ZDHHC7: variants seen among roughly 807,000 people sequenced by gnomAD.
ZDHHC7 encodes the protein zDHHC palmitoyltransferase 7.
ZDHHC7 carries 12 observed loss-of-function variants against 34.1 expected under a neutral mutation model. That is an observed-to-expected ratio of 0.35 (90% CI 0.23 to 0.57). ZDHHC7 has a LOEUF of 0.57. Among genes scored for constraint, ZDHHC7 ranks in the 20% least tolerant of loss-of-function variants. The pLI, the probability that ZDHHC7 is intolerant of heterozygous loss-of-function variation, is 0.84. For synonymous variants in ZDHHC7, 185 were observed against 155.4 expected (o/e 1.19, Z -1.42); for missense variants, 388 against 402.7 (o/e 0.96, Z 0.31).
At chr16:84,978,312 G>A (rs1249397329) in intron 5 of ZDHHC7, among the ~76,000 whole-genome samples, 1 of 152,200 alleles carries the variant, frequency 6.6e-6, no homozygotes, top group African/African-American at 2.4e-5. Flanking sequence ...GTCTTTCTAA[G>A]AGCAAAGGCT....
chr16:85,025,425 G>T, the ZDHHC7 span, among the ~76,000 whole-genome samples: 3,717 of 141,790 alleles, frequency 0.026, 144 homozygotes, highest in African/African-American at 0.084. Flanking sequence ...TTTTTTGGGG[G>T]GGGGGACTAA....
chr16:85,015,678 TC>T (rs1408684205), upstream of ZDHHC7, among the ~76,000 whole-genome samples: 2 of 151,922 alleles, frequency 1.3e-5, no homozygotes, highest in Non-Finnish European at 2.9e-5. Context: ...TGACACCCTG[TC>T]TACAAAAATT....
the ZDHHC7 span, among the ~76,000 whole-genome samples, chr16:85,017,743 G>A: frequency 3.3e-5 from 5 of 152,142 alleles, no homozygotes; most frequent in African/African-American, 1.2e-4. Flanking sequence ...CCAGGCTCTT[G>A]ACACTGTCGT....
At chr16:85,018,471 G>C in the ZDHHC7 span, among the ~76,000 whole-genome samples, 1 of 123,100 alleles carries the variant, frequency 8.1e-6, no homozygotes, top group African/African-American at 3.3e-5. Flanking sequence ...TTTTAAGACA[G>C]AGTTTTACTC....
chr16:85,005,225 C>T (rs966598523), intron 1 of ZDHHC7, among the ~76,000 whole-genome samples: 6 of 152,250 alleles, frequency 3.9e-5, no homozygotes, highest in Non-Finnish European at 8.8e-5. Context: ...GTATTCCCAA[C>T]CTCCTTCCCT....
chr16:84,979,125 G>C (rs1026387948), intron 5 of ZDHHC7, 64 bp downstream of exon 5: 2 of 1,491,544 alleles, frequency 1.3e-6, no homozygotes, highest in South Asian at 2.6e-5. Flanking sequence ...CTCTGCTCCA[G>C]GCAAGAAGCA....
the ZDHHC7 span, among the ~76,000 whole-genome samples, chr16:85,018,838 A>G: frequency 6.6e-6 from 1 of 152,072 alleles, no homozygotes; most frequent in Non-Finnish European, 1.5e-5. Flanking sequence ...CTTGTTCCGG[A>G]CGGGTGTTTG....
At position 84,977,648 on chromosome 16, in the gene ZDHHC7, C is replaced by T. The variant is rs375334070; in HGVS notation, c.619+276G>A. Reference sequence around the variant, plus strand: ...GGATAACGAGCACCTATTTTCACTACACTTGCTTAGGGTCGGTCACTCACG... The same window carrying T: ...GGATAACGAGCACCTATTTTCACTATACTTGCTTAGGGTCGGTCACTCACG... On this transcript the variant is annotated intron_variant, in intron 6 of 7. Coordinates refer to ENST00000313732, the MANE Select transcript of ZDHHC7 (RefSeq NM_017740.3). 1.2e-4 allele frequency among the ~76,000 whole-genome samples: 18 copies of T among 152,326 alleles called. 1 individual carries two copies. Among genetic ancestry groups the T allele is most frequent in the East Asian group, 5.8e-4 (3 of 5,186 alleles).
chr16:85,022,630 A>C, the ZDHHC7 span, among the ~76,000 whole-genome samples: 6 of 152,196 alleles, frequency 3.9e-5, no homozygotes, highest in African/African-American at 1.4e-4. Flanking sequence ...GTTTGTTGAA[A>C]GATAGGGTAT....
intron 3 of ZDHHC7, among the ~76,000 whole-genome samples, chr16:84,986,764 C>G (rs2072442292): frequency 6.6e-6 from 1 of 152,186 alleles, no homozygotes; most frequent in African/African-American, 2.4e-5. Context: ...CGAGGACTGC[C>G]CAGTCCTATT....
rs1226176489 is a variant in ZDHHC7, at chr16:84,974,240, G to A, written c.*2103C>T. 1 of 152,216 alleles carries A rather than the reference G, an allele frequency of 6.6e-6. No homozygotes were observed. Among genetic ancestry groups the A allele is most frequent in the Non-Finnish European group, 1.5e-5 (1 of 68,038 alleles). 9.4% of individuals were successfully genotyped at this position (152,216 alleles called of 1,614,324 possible). A position where few individuals can be genotyped will look rare whatever the true frequency, so the allele number is the denominator to read the frequency against. The stretch of plus-strand genomic sequence containing the variant: ...TAAAAAAAGGACTAAGTAAAACGAT[G>A]GGAGTCGAATTAAACATTCAACAAG... On this transcript the variant is annotated 3_prime_UTR_variant, in exon 8 of 8. Coordinates refer to ENST00000313732, the MANE Select transcript of ZDHHC7 (RefSeq NM_017740.3).
At chr16:84,978,924 G>C (rs1035746353) in intron 5 of ZDHHC7, among the ~76,000 whole-genome samples, 5 of 151,340 alleles carry the variant, frequency 3.3e-5, no homozygotes, top group African/African-American at 1.2e-4. Flanking sequence ...ACTTTAGGAA[G>C]ATTCCTGTTA....
chr16:85,024,386 C>T, the ZDHHC7 span, among the ~76,000 whole-genome samples: 3 of 151,968 alleles, frequency 2.0e-5, no homozygotes, highest in East Asian at 5.8e-4. Flanking sequence ...CACGCGCCAC[C>T]ATGCCCAGCT....
chr16:85,013,959 A>T (rs1041097404), upstream of ZDHHC7, among the ~76,000 whole-genome samples: 1 of 152,198 alleles, frequency 6.6e-6, no homozygotes, highest in African/African-American at 2.4e-5. Flanking sequence ...AAGTGCTGGG[A>T]TTACAGGTGT....
rs75191708 is a variant in ZDHHC7, at chr16:84,976,913, T to G, written c.750+182A>C. The stretch of plus-strand genomic sequence containing the variant: ...GCTGACTTGCAAATCAAACTGAGAC[T>G]AGAAATATGCACTGCCCAGAATGAA... On this transcript the variant is annotated intron_variant, in intron 7 of 7. Coordinates refer to ENST00000313732, the MANE Select transcript of ZDHHC7 (RefSeq NM_017740.3). 2.6e-3 allele frequency among the ~76,000 whole-genome samples: 397 copies of G among 152,270 alleles called. 2 individuals are homozygous for G. Among genetic ancestry groups the G allele is most frequent in the African/African-American group, 9.5e-3 (394 of 41,540 alleles).
chr16:84,976,480 G>A lies in ZDHHC7; in HGVS notation c.790C>T (p.Arg264Trp), dbSNP rs151087701. Residue 264 changes from arginine to tryptophan, a missense_variant, in exon 8 of 8, where the codon CGG becomes TGG. Arg to Trp is a moderately radical substitution (Grantham distance 101). Transcript: ENST00000313732. ...TTCATCCCTTCCCATCGCAGCCTCC[G>A]CTCCCATGTGGGCTTCTCACTTTTC... ...RLKSEKPTWERRLRWEGMKSV... is the reference protein window; with the variant it reads ...RLKSEKPTWEWRLRWEGMKSV... The A allele has an allele frequency of 8.7e-6, 14 of 1,613,962 alleles. No homozygotes were observed. The highest frequency in any genetic ancestry group is 6.7e-5 in the East Asian group (3 of 44,888).
At chr16:85,003,306 CGGGG>C (rs2072676359) in intron 1 of ZDHHC7, among the ~76,000 whole-genome samples, 1 of 152,132 alleles carries the variant, frequency 6.6e-6, no homozygotes, top group Non-Finnish European at 1.5e-5. Context: ...GCCGTGCAAA[CGGGG>C]CCACATCCCA....
In ZDHHC7 at chr16:84,975,616, C is replaced by T. The variant is rs1300341460; in HGVS notation, c.*727G>A. The T allele has an allele frequency of 6.5e-6, 1 of 152,702 alleles. No homozygotes were observed. The highest frequency in any genetic ancestry group is 1.5e-5 in the Non-Finnish European group (1 of 68,060). 9.5% of individuals were successfully genotyped at this position (152,702 alleles called of 1,614,324 possible). The stretch of plus-strand genomic sequence containing the variant: ...CACGGGCAGGACCCCGCGGCTCTCT[C>T]CCCTCTTCCCTGAAACGTCGGTTTC... On this transcript the variant is annotated 3_prime_UTR_variant, in exon 8 of 8. Transcript: ENST00000313732.
chr16:84,988,372 G>A (rs931115307), intron 3 of ZDHHC7, among the ~76,000 whole-genome samples: 3 of 152,024 alleles, frequency 2.0e-5, no homozygotes, highest in Non-Finnish European at 4.4e-5. Flanking sequence ...AACACCACGG[G>A]ACTACACACG....
Sources: gnomAD v4.1 joint callset for allele counts (sites outside exome capture counted in the v4.1 genomes callset) on GRCh38, gnomAD v4.1.1 for gene constraint, MANE v1.5 for transcripts, NCBI Gene and HGNC (gene_info 2026-07-23, HGNC 2026-07-21) for gene names.